ARAP2: variants seen among roughly 807,000 people sequenced by gnomAD.
ARAP2 encodes the protein arf-GAP with Rho-GAP domain, ANK repeat and PH domain-containing protein 2.
Under a neutral mutation model 194.5 loss-of-function variants are expected in ARAP2, and 148 were observed. That is an observed-to-expected ratio of 0.76 (90% CI 0.67 to 0.87). ARAP2 has a LOEUF of 0.87. Among genes scored for constraint, ARAP2 ranks in the 40% least tolerant of loss-of-function variants. The pLI, the probability that ARAP2 is intolerant of heterozygous loss-of-function variation, is 0.00. For missense variants in ARAP2, 2,128 were observed against 1,989.7 expected (o/e 1.07, Z -1.32); for synonymous variants, 695 against 683.5 (o/e 1.02, Z -0.26).
At chr4:36,161,138 C>T (rs930138276) in intron 12 of ARAP2, among the ~76,000 whole-genome samples, 2 of 101,872 alleles carry the variant, frequency 2.0e-5, no homozygotes, top group African/African-American at 5.1e-5. Flanking sequence ...TTAAAACACA[C>T]ACACACAAAC....
At chr4:36,023,508 C>A (rs1717370702) in intron 5 of ARAP2, among the ~76,000 whole-genome samples, 1 of 152,002 alleles carries the variant, frequency 6.6e-6, no homozygotes, top group Non-Finnish European at 1.5e-5. Flanking sequence ...GGCAGTATGG[C>A]AGACCACAGA....
At chr4:36,120,789 C>A (rs1040039966) in intron 23 of ARAP2, among the ~76,000 whole-genome samples, 7 of 151,446 alleles carry the variant, frequency 4.6e-5, no homozygotes, top group African/African-American at 1.7e-4. Context: ...GGGGACACAA[C>A]TAAAAGAAAA....
chr4:36,066,877 T>A lies in ARAP2; in HGVS notation c.*1030A>T, dbSNP rs1203689077. 6.6e-6 allele frequency: 1 copy of A among 152,210 alleles called. No individual in the cohort carries two copies. Among genetic ancestry groups the A allele is most frequent in the Non-Finnish European group, 1.5e-5 (1 of 68,034 alleles). The allele number at this position is 152,210 out of a possible 1,614,324, so 9.4% of individuals were successfully genotyped here. ...CACCAACTAGCCCCTGGCTCCATAA[T>A]GGCCATATATTGTATTCTTCCAGTT... On this transcript the variant is annotated 3_prime_UTR_variant, in exon 33 of 33. Coordinates refer to ENST00000303965, the MANE Select transcript of ARAP2 (RefSeq NM_015230.4).
intron 6 of ARAP2, among the ~76,000 whole-genome samples, chr4:36,016,144 A>G (rs938728113): frequency 1.3e-5 from 2 of 152,236 alleles, no homozygotes; most frequent in Admixed American, 6.5e-5. Flanking sequence ...GCATATGTCC[A>G]TAAGTATTAA....
chr4:36,193,211 T>G (rs1742337463), intron 7 of ARAP2, among the ~76,000 whole-genome samples: 1 of 152,178 alleles, frequency 6.6e-6, no homozygotes, highest in Non-Finnish European at 1.5e-5. Context: ...GCATATATTC[T>G]TCTGTCCTGC....
At chr4:36,230,272 T>C (rs1751183108) in intron 1 of ARAP2, among the ~76,000 whole-genome samples, 1 of 152,230 alleles carries the variant, frequency 6.6e-6, no homozygotes, top group Non-Finnish European at 1.5e-5. Context: ...TGAAAGAATG[T>C]TCTTTTGACT....
At chr4:36,053,373 T>C (rs937039134) in intron 2 of ARAP2, among the ~76,000 whole-genome samples, 6 of 152,120 alleles carry the variant, frequency 3.9e-5, no homozygotes, top group African/African-American at 7.2e-5. Flanking sequence ...AAGTGTACAT[T>C]CCTCAACTGT....
In ARAP2 at chr4:36,229,293, T is replaced by G. The variant is rs1252410828; in HGVS notation, c.194A>C (p.Gln65Pro). ...GHRRRILKQL[Q>P]IILSKMQDIP... is the part of the protein sequence containing the mutation. ...ATCTTGCATTTTTGACAAGATTATC[T>G]GTAACTGTTTAAGTATCCTCCTACG... The change falls in exon 2 of 33, where the codon CAG (glutamine) becomes CCG (proline). Residue 65 changes from glutamine to proline, a missense_variant. By Grantham distance (76) the Gln-to-Pro change is moderately conservative. Transcript: ENST00000303965. The G allele has an allele frequency of 6.2e-7, 1 of 1,614,086 alleles. No homozygotes were observed.
chr4:36,135,812 A>G (rs1191108335), intron 19 of ARAP2, among the ~76,000 whole-genome samples: 5 of 151,832 alleles, frequency 3.3e-5, no homozygotes, highest in African/African-American at 9.7e-5. Flanking sequence ...TTTAAATATG[A>G]TATAAAATCT....
chr4:36,210,349 T>A, intron 6 of ARAP2, 41 bp downstream of exon 6: 1 of 1,524,466 alleles, frequency 6.6e-7, no homozygotes, highest in Non-Finnish European at 8.8e-7. Flanking sequence ...CTTGAAATTT[T>A]AAAAATATGC....
intron 1 of ARAP2, among the ~76,000 whole-genome samples, chr4:36,243,208 T>G (rs1045103882): frequency 6.6e-6 from 1 of 151,980 alleles, no homozygotes; most frequent in Non-Finnish European, 1.5e-5. Flanking sequence ...GGGTGTAGAG[T>G]GCTTAAGTGC....
At chr4:36,109,009 A>G (rs893082965) in intron 26 of ARAP2, among the ~76,000 whole-genome samples, 7 of 152,016 alleles carry the variant, frequency 4.6e-5, no homozygotes, top group African/African-American at 1.4e-4. Context: ...AGGAAAGAGC[A>G]TATCAAAAGC....
intron 26 of ARAP2, among the ~76,000 whole-genome samples, chr4:36,108,014 C>A (rs1389573362): frequency 6.6e-6 from 1 of 151,522 alleles, no homozygotes; most frequent in Non-Finnish European, 1.5e-5. Context: ...TAAATTCTAC[C>A]CCTTGTACAA....
At chr4:36,220,706 T>C (rs947718126) in intron 2 of ARAP2, among the ~76,000 whole-genome samples, 8 of 151,972 alleles carry the variant, frequency 5.3e-5, no homozygotes, top group Admixed American at 2.6e-4. Context: ...CGTGGAAGAG[T>C]TGTAAATTTT....
intron 11 of ARAP2, 69 bp from the exon 12 acceptor site, chr4:36,161,619 G>GA (rs1405232413): frequency 6.2e-5 from 81 of 1,299,600 alleles, no homozygotes; most frequent in Non-Finnish European, 8.7e-5. Context: ...TGTTTTGAAA[G>GA]AAAGTGCATA....
chr4:36,074,427 C>G (rs1727767865), intron 31 of ARAP2, among the ~76,000 whole-genome samples: 1 of 151,920 alleles, frequency 6.6e-6, no homozygotes, highest in Admixed American at 6.6e-5. Flanking sequence ...ATATTCTTGC[C>G]TTCTAAATAA....
At chr4:36,170,725 A>G (rs1169043509) in intron 9 of ARAP2, among the ~76,000 whole-genome samples, 3 of 152,138 alleles carry the variant, frequency 2.0e-5, no homozygotes, top group Admixed American at 2.0e-4. Context: ...CTCTCGTTTG[A>G]TTTCCTAAAT....
intron 2 of ARAP2, among the ~76,000 whole-genome samples, chr4:36,055,203 C>T (rs550713550): frequency 2.6e-5 from 4 of 152,248 alleles, no homozygotes; most frequent in African/African-American, 7.2e-5. Flanking sequence ...TGAGATTTAG[C>T]GTTTCCACTA....
chr4:36,120,883 A>T (rs892808775), intron 23 of ARAP2, among the ~76,000 whole-genome samples: 1 of 151,700 alleles, frequency 6.6e-6, no homozygotes, highest in Non-Finnish European at 1.5e-5. Flanking sequence ...ACTTCTAAGT[A>T]GATATAATTC....
Sources: allele counts gnomAD v4.1 joint callset (sites outside exome capture counted in the v4.1 genomes callset), GRCh38; gene constraint gnomAD v4.1.1; transcripts MANE v1.5; gene names NCBI Gene and HGNC (gene_info 2026-07-23, HGNC 2026-07-21).